The following PSD3 variants were observed in gnomAD, a reference collection of about 807,000 sequenced individuals.
The protein encoded by PSD3 is pleckstrin and Sec7 domain containing 3.
In PSD3, 49 loss-of-function variants were observed where a neutral mutation model predicts 105.5. That is an observed-to-expected ratio of 0.46 (90% confidence interval 0.37 to 0.59). PSD3 has a LOEUF of 0.59. Among genes scored for constraint, PSD3 ranks in the 20% least tolerant of loss-of-function variants. The pLI is 0.00. For missense variants in PSD3, 1,561 were observed against 1,263.8 expected, an observed-to-expected ratio of 1.24 and a Z score of -3.57; for synonymous variants, 557 against 457.8, an observed-to-expected ratio of 1.22 and a Z score of -2.77.
chr8:18,869,602 C>T (rs1033194809), intron 3 of PSD3, among the ~76,000 whole-genome samples: 1 of 152,190 alleles, frequency 6.6e-6, no homozygotes, highest in Admixed American at 6.5e-5. Flanking sequence ...GCCTCCTGTG[C>T]ACATGCTGTT....
intron 6 of PSD3, chr8:18,803,210 C>G (rs2632845): frequency 0.52 from 108,338 of 209,018 alleles, 28,063 homozygotes; most frequent in East Asian, 0.72. Flanking sequence ...CTGCTTGAAC[C>G]TGGGAGGTGG....
chr8:18,964,552 AT>A (rs1824125723), intron 1 of PSD3, among the ~76,000 whole-genome samples: 1 of 152,048 alleles, frequency 6.6e-6, no homozygotes, highest in Non-Finnish European at 1.5e-5. Context: ...CTCAGAACCA[AT>A]TCACAAGAGA....
intron 1 of PSD3, among the ~76,000 whole-genome samples, chr8:18,956,530 G>C (rs1823584979): frequency 6.6e-6 from 1 of 152,196 alleles, no homozygotes; most frequent in African/African-American, 2.4e-5. Context: ...TCAATTTAAG[G>C]AAAGGGGTGT....
At chr8:19,069,649 G>C (rs573063928) in intron 1 of PSD3, among the ~76,000 whole-genome samples, 1 of 152,300 alleles carries the variant, frequency 6.6e-6, no homozygotes, top group African/African-American at 2.4e-5. Context: ...GCAGGAAGTA[G>C]CTAAGGGCTT....
rs117180884 is a variant in PSD3, at chr8:18,613,917, C to T, written c.2411-13483G>A. 7.0e-3 allele frequency among the ~76,000 whole-genome samples: 1,061 copies of T among 152,338 alleles called. 10 individuals carry two copies. Among genetic ancestry groups the T allele is most frequent in the Non-Finnish European group, 0.011 (739 of 68,036 alleles). ...AATGAACTATGGACTTGTGCTAAGCCGGCCGCCTCCACCCATGATAATTCC... is the reference window on the plus strand; with the variant it reads ...AATGAACTATGGACTTGTGCTAAGCTGGCCGCCTCCACCCATGATAATTCC... On this transcript the variant is annotated intron_variant, in intron 11 of 15. Transcript: ENST00000327040.
intron 1 of PSD3, among the ~76,000 whole-genome samples, chr8:19,062,000 C>G (rs557116906): frequency 1.3e-5 from 2 of 152,312 alleles, no homozygotes; most frequent in East Asian, 1.9e-4. Context: ...GATTATCTGT[C>G]TGGCTACTTT....
At chr8:18,699,878 C>A (rs960007533) in intron 9 of PSD3, among the ~76,000 whole-genome samples, 3 of 144,168 alleles carry the variant, frequency 2.1e-5, no homozygotes, top group Non-Finnish European at 1.5e-5. Flanking sequence ...AAAAAAAAAA[C>A]CACAAAAATC....
intron 2 of PSD3, among the ~76,000 whole-genome samples, chr8:18,912,341 C>T (rs1013449987): frequency 6.6e-6 from 1 of 152,172 alleles, no homozygotes; most frequent in African/African-American, 2.4e-5. Context: ...AACAGCGCTT[C>T]ACAATGTTAA....
At chr8:18,864,804 C>T (rs1816704697) in intron 4 of PSD3, 1 of 152,018 alleles carries the variant, frequency 6.6e-6, no homozygotes, top group Non-Finnish European at 1.5e-5. Context: ...GAAGGACAGG[C>T]TTAATACCTC....
intron 12 of PSD3, among the ~76,000 whole-genome samples, chr8:18,587,098 A>C (rs539766027): frequency 6.6e-6 from 1 of 152,286 alleles, no homozygotes; most frequent in African/African-American, 2.4e-5. Flanking sequence ...GAAGAAGGGA[A>C]GAAGAAGGAG....
At chr8:19,032,667 A>G (rs923827656) in intron 1 of PSD3, among the ~76,000 whole-genome samples, 5 of 148,154 alleles carry the variant, frequency 3.4e-5, no homozygotes. Context: ...AAAAAAAAAA[A>G]GAAAGGAATC....
chr8:18,766,334 A>G (rs2129443790), intron 8 of PSD3, among the ~76,000 whole-genome samples: 1 of 152,334 alleles, frequency 6.6e-6, no homozygotes, highest in African/African-American at 2.4e-5. Context: ...ACTGTATCTC[A>G]AAAAACAAAA....
At position 19,005,364 on chromosome 8, in the gene PSD3, T is replaced by A. The variant is rs535187535; in HGVS notation, c.21+8199A>T. Among the ~76,000 whole-genome samples the A allele has an allele frequency of 4.1e-4, 63 of 152,202 alleles. No homozygotes were observed. In the South Asian group the frequency reaches 0.013, roughly 30 times the overall value. On this transcript the variant is annotated intron_variant, in intron 1 of 15. Transcript: ENST00000327040. ...AGGCCACATTTTGTATTGTTTCATT[T>A]ACATGATATGTGCAGAACAGCAAAA...
At chr8:19,061,050 A>G (rs1828880284) in intron 1 of PSD3, among the ~76,000 whole-genome samples, 1 of 152,182 alleles carries the variant, frequency 6.6e-6, no homozygotes, top group Non-Finnish European at 1.5e-5. Flanking sequence ...CAGCCTTGGC[A>G]TGCTCCATGG....
At chr8:18,583,446 A>G (rs760542001) in intron 12 of PSD3, among the ~76,000 whole-genome samples, 17 of 152,108 alleles carry the variant, frequency 1.1e-4, no homozygotes, top group Admixed American at 4.6e-4. Flanking sequence ...AATAAGTAAA[A>G]TAATCAGGTC....
At chr8:18,815,404 G>A (rs1812133497) in intron 4 of PSD3, among the ~76,000 whole-genome samples, 2 of 152,106 alleles carry the variant, frequency 1.3e-5, no homozygotes, top group Admixed American at 6.5e-5. Flanking sequence ...CACCTCCAGG[G>A]TTCAAGCGAT....
At chr8:18,853,085 C>G (rs886476588) in intron 4 of PSD3, among the ~76,000 whole-genome samples, 3 of 152,152 alleles carry the variant, frequency 2.0e-5, no homozygotes, top group African/African-American at 2.4e-5. Flanking sequence ...CTGCTTATGT[C>G]TCTCATAAAA....
chr8:19,032,924 A>G (rs57663681), intron 1 of PSD3, among the ~76,000 whole-genome samples: 2,386 of 152,196 alleles, frequency 0.016, 64 homozygotes, highest in African/African-American at 0.054. Flanking sequence ...TTTGAGGAAA[A>G]TGCCACATAA....
intron 4 of PSD3, among the ~76,000 whole-genome samples, chr8:18,811,673 T>G (rs1811694699): frequency 6.6e-6 from 1 of 152,008 alleles, no homozygotes; most frequent in South Asian, 2.1e-4. Flanking sequence ...TATGATAAAA[T>G]AACAGCATTC....
Sources: gnomAD v4.1 joint callset for allele counts (sites outside exome capture counted in the v4.1 genomes callset) on GRCh38, gnomAD v4.1.1 for gene constraint, MANE v1.5 for transcripts, NCBI Gene and HGNC (gene_info 2026-07-23, HGNC 2026-07-21) for gene names.